Variants in GOLGA4 observed in about 807,000 individuals in gnomAD.
GOLGA4 encodes golgin A4.
In GOLGA4, 169 loss-of-function variants were observed where a neutral mutation model predicts 265.9. That is an observed-to-expected ratio of 0.64 (90% CI 0.56 to 0.72). The LOEUF (loss-of-function observed/expected upper bound fraction) is 0.72, where lower values mean the gene tolerates loss of function less well. GOLGA4 is among the 30% of genes least tolerant of loss of function. The pLI is 0.00. For synonymous variants in GOLGA4, 923 were observed against 855.8 expected, an observed-to-expected ratio of 1.08 and a Z score of -1.37; for missense variants, 2,482 against 2,483.4, an observed-to-expected ratio of 1.00 and a Z score of 0.01.
At chr3:37,331,105 T>TA (rs1383034967) in intron 16 of GOLGA4, among the ~76,000 whole-genome samples, 12 of 150,586 alleles carry the variant, frequency 8.0e-5, no homozygotes, top group Middle Eastern at 3.5e-3. Context: ...TAGCCACATT[T>TA]AAAAAAAAAG....
chr3:37,356,292 G>GTGC (rs1304485474), intron 22 of GOLGA4, among the ~76,000 whole-genome samples: 4 of 152,080 alleles, frequency 2.6e-5, no homozygotes, highest in African/African-American at 4.8e-5. Flanking sequence ...GGTCAGCCCT[G>GTGC]AAGGGACCCC....
rs774431604 is a variant in GOLGA4 at position 37,326,170 on chromosome 3, A to T, written c.4284A>T (p.Lys1428Asn). 5 of 1,613,246 alleles carry T rather than the reference A, an allele frequency of 3.1e-6. No homozygotes were observed. The African/African-American group carries it at 6.7e-5, about 22-fold the overall frequency. The change falls in exon 14 of 24, where the codon AAA becomes AAT. Residue 1428 changes from lysine (K) to asparagine (N), a missense_variant. Lys to Asn is a moderately conservative substitution (Grantham distance 94). Around this residue, in one of 3 missense-constraint regions of GOLGA4, gnomAD observed 942 missense variants for 983.1 expected, o/e 0.96. Coordinates refer to ENST00000361924, the MANE Select transcript of GOLGA4 (RefSeq NM_002078.5). Reference sequence around the variant, plus strand: ...AAGTTGACACTCTGAGTAAAGAGAAAATTTCTGCTCTTGAGCAGGTAGATG... The same window carrying T: ...AAGTTGACACTCTGAGTAAAGAGAATATTTCTGCTCTTGAGCAGGTAGATG... ...SFKVDTLSKE[K>N]ISALEQVDDW...
intron 23 of GOLGA4, 92 bp from the exon 24 acceptor site, chr3:37,365,988 A>G: frequency 9.0e-7 from 1 of 1,108,140 alleles, no homozygotes; most frequent in Non-Finnish European, 1.3e-6. Flanking sequence ...TTTATTTCAA[A>G]CTTGAAAAAA....
chr3:37,360,703 C>T (rs1158151795), intron 22 of GOLGA4, among the ~76,000 whole-genome samples: 1 of 152,052 alleles, frequency 6.6e-6, no homozygotes, highest in Admixed American at 6.6e-5. Flanking sequence ...ATTGAAATTT[C>T]AGTTTGGGTC....
chr3:37,337,552 G>C (rs2097018347), intron 18 of GOLGA4, 114 bp from the exon 19 acceptor site: 3 of 702,962 alleles, frequency 4.3e-6, no homozygotes, highest in Non-Finnish European at 7.8e-6. Flanking sequence ...GGGGTATTCA[G>C]TGTTATAAGT....
intron 1 of GOLGA4, chr3:37,243,934 T>C: frequency 5.5e-6 from 2 of 363,260 alleles, no homozygotes; most frequent in Non-Finnish European, 5.0e-6. Flanking sequence ...TTCTGATCCA[T>C]ATTTGAGGTT....
At chr3:37,344,643 T>G (rs1169019767) in intron 20 of GOLGA4, among the ~76,000 whole-genome samples, 1 of 152,044 alleles carries the variant, frequency 6.6e-6, no homozygotes, top group East Asian at 1.9e-4. Flanking sequence ...TTCACTATCT[T>G]AATAACTGTC....
chr3:37,302,624 A>G (rs2096896021), intron 10 of GOLGA4: 1 of 256,288 alleles, frequency 3.9e-6, no homozygotes, highest in Admixed American at 5.1e-5. Context: ...GTGGTCTACA[A>G]AACCTAAAAT....
At chr3:37,294,158 C>T (rs1399408318) in intron 5 of GOLGA4, among the ~76,000 whole-genome samples, 1 of 152,056 alleles carries the variant, frequency 6.6e-6, no homozygotes, top group Non-Finnish European at 1.5e-5. Context: ...TAGGAAGGCT[C>T]ATTAATGACC....
chr3:37,275,686 C>T (rs953483197), intron 2 of GOLGA4: 53 of 1,611,616 alleles, frequency 3.3e-5, no homozygotes, highest in African/African-American at 9.4e-5. Flanking sequence ...GAAGACCTGC[C>T]GGAGCCATGG....
At chr3:37,361,170 A>G in intron 22 of GOLGA4, 73 bp from the exon 23 acceptor site, 1 of 1,117,992 alleles carries the variant, frequency 8.9e-7, no homozygotes, top group Admixed American at 1.7e-5. Context: ...AACTTCATAT[A>G]CACATACAAT....
At chr3:37,321,171 T>C (rs2096953837) in intron 12 of GOLGA4, among the ~76,000 whole-genome samples, 5 of 152,276 alleles carry the variant, frequency 3.3e-5, no homozygotes, top group Admixed American at 2.6e-4. Context: ...ACACTTTAAA[T>C]TGAATATTGA....
intron 19 of GOLGA4, among the ~76,000 whole-genome samples, chr3:37,338,124 A>G (rs929716814): frequency 1.3e-5 from 2 of 152,168 alleles, no homozygotes; most frequent in African/African-American, 4.8e-5. Flanking sequence ...CAATATATGT[A>G]AGTCAGTTTA....
Position 37,355,091 on chromosome 3 carries a change from T to C in GOLGA4, c.6577-10T>C. ...TGTCTGTTAGTGATCATCTCTTGTT[T>C]TTCTTGTAGACCATGGCAAAAGTTA... is the stretch of plus-strand genomic sequence containing the variant. On this transcript the variant is annotated splice_polypyrimidine_tract_variant and intron_variant, in intron 21 of 23. Transcript: ENST00000361924. The C allele has an allele frequency of 6.5e-7, 1 of 1,530,208 alleles. No homozygotes were observed. 94.8% of individuals were successfully genotyped at this position (1,530,208 alleles called of 1,614,324 possible).
Position 37,327,603 on chromosome 3 carries a change from A to G in GOLGA4, c.5717A>G (p.Glu1906Gly). Reference protein sequence around the residue: ...PTELLEENTEEKSKSHLVQPK... With the variant: ...PTELLEENTEGKSKSHLVQPK... ...GAACTTTTGGAAGAAAACACTGAAG[A>G]AAAGTCCAAATCACATTTGGTCCAA... Residue 1906 changes from glutamate to glycine, a missense_variant, in exon 14 of 24, where the codon GAA (glutamate) becomes GGA (glycine). By Grantham distance (98) the Glu-to-Gly change is moderately conservative. Around this residue, in one of 3 missense-constraint regions of GOLGA4, gnomAD observed 942 missense variants for 983.1 expected, o/e 0.96. Coordinates refer to ENST00000361924, the MANE Select transcript of GOLGA4 (RefSeq NM_002078.5). 1 of 1,613,782 alleles carries G rather than the reference A, an allele frequency of 6.2e-7. No individual in the cohort carries two copies.
rs771313501 is a variant in GOLGA4 at position 37,347,301 on chromosome 3, A to G, written c.6576+5A>G. ...ATGATGGGTCGTGAGACTAAGGTATAAATCATGTCTCGTGATTTGGTGTGT... is the reference window on the plus strand; with the variant it reads ...ATGATGGGTCGTGAGACTAAGGTATGAATCATGTCTCGTGATTTGGTGTGT... On this transcript the variant is annotated splice_donor_5th_base_variant and intron_variant, in intron 21 of 23. Transcript: ENST00000361924. The G allele has an allele frequency of 1.5e-4, 221 of 1,494,604 alleles. 1 individual carries two copies. In the East Asian group the frequency reaches 4.9e-3, roughly 33 times the overall value. 92.6% of individuals were successfully genotyped at this position (1,494,604 alleles called of 1,614,324 possible). A position where few individuals can be genotyped will look rare whatever the true frequency, so the allele number is the denominator to read the frequency against.
chr3:37,336,454 A>T (rs1344850479), intron 17 of GOLGA4, among the ~76,000 whole-genome samples: 3 of 152,080 alleles, frequency 2.0e-5, no homozygotes, highest in Non-Finnish European at 4.4e-5. Context: ...GTGTCCTAAG[A>T]AAGGTAAGAA....
chr3:37,340,314 A>G, intron 20 of GOLGA4, 115 bp downstream of exon 20: 1 of 491,338 alleles, frequency 2.0e-6, no homozygotes, highest in Non-Finnish European at 3.6e-6. Context: ...AAAATTTTTA[A>G]TGATTTTATT....
chr3:37,340,890 G>A (rs1001305801), intron 20 of GOLGA4, among the ~76,000 whole-genome samples: 7 of 152,140 alleles, frequency 4.6e-5, no homozygotes, highest in South Asian at 2.1e-4. Flanking sequence ...GTAACCTGGC[G>A]GGCGTGGTGG....
Sources: allele counts gnomAD v4.1 joint callset (sites outside exome capture counted in the v4.1 genomes callset), GRCh38; gene constraint gnomAD v4.1.1; regional missense constraint gnomAD v4.1.1; transcripts MANE v1.5; gene names NCBI Gene and HGNC (gene_info 2026-07-23, HGNC 2026-07-21).